INTS4: variants seen among roughly 807,000 people sequenced by gnomAD.
The protein encoded by INTS4 is integrator complex subunit 4.
A neutral mutation model predicts 119.5 loss-of-function variants in INTS4; 70 were observed. The observed-to-expected ratio is 0.59, with a 90% CI of 0.48 to 0.71. The LOEUF (loss-of-function observed/expected upper bound fraction) is 0.71, where lower values mean the gene tolerates loss of function less well. Ranked by LOEUF, INTS4 falls within the 30% of genes least tolerant of loss-of-function variation. The pLI is 0.00. For missense variants in INTS4, 867 were observed against 1,173.2 expected (o/e 0.74, Z 3.81); for synonymous variants, 316 against 419.6 (o/e 0.75, Z 3.02).
At chr11:77,877,237 G>T (rs1320252284), downstream of INTS4, among the ~76,000 whole-genome samples, 1 of 143,648 alleles carries the variant, frequency 7.0e-6, no homozygotes, top group Non-Finnish European at 1.5e-5. Flanking sequence ...ATAAAATGAA[G>T]ATAACAGTAC....
At chr11:77,877,991 C>G (rs1009980773), downstream of INTS4, among the ~76,000 whole-genome samples, 1 of 152,132 alleles carries the variant, frequency 6.6e-6, no homozygotes, top group African/African-American at 2.4e-5. Flanking sequence ...ATCTTGATTT[C>G]TTTTGTAAAA....
intron 4 of INTS4, among the ~76,000 whole-genome samples, chr11:77,970,831 A>G (rs538820023): frequency 1.6e-4 from 24 of 152,032 alleles, no homozygotes; most frequent in Non-Finnish European, 2.9e-4. Flanking sequence ...TTGTTTTCAG[A>G]CAAGAGTCTT....
At chr11:77,948,193 A>G (rs1478762138) in intron 8 of INTS4, among the ~76,000 whole-genome samples, 3 of 152,242 alleles carry the variant, frequency 2.0e-5, no homozygotes, top group African/African-American at 7.2e-5. Context: ...GTTACAGCAG[A>G]TACACAAACA....
intron 8 of INTS4, among the ~76,000 whole-genome samples, chr11:77,955,443 T>C (rs1358119334): frequency 6.6e-6 from 1 of 152,062 alleles, no homozygotes; most frequent in East Asian, 1.9e-4. Context: ...AATGTGCTCA[T>C]TTAAAAAAAG....
chr11:77,939,194 G>A (rs562228463), intron 9 of INTS4, among the ~76,000 whole-genome samples: 6 of 152,166 alleles, frequency 3.9e-5, no homozygotes, highest in South Asian at 2.1e-4. Flanking sequence ...AACAATTATC[G>A]GGCAGGGAGC....
chr11:77,938,570 T>C (rs1170208837), intron 10 of INTS4, 81 bp downstream of exon 10: 10 of 1,524,668 alleles, frequency 6.6e-6, no homozygotes, highest in Non-Finnish European at 8.8e-6. Context: ...AATGAAACGA[T>C]ACATGTGTAT....
chr11:77,922,179 G>A (rs945528239), intron 13 of INTS4, among the ~76,000 whole-genome samples, 177 bp downstream of exon 13: 19 of 147,042 alleles, frequency 1.3e-4, no homozygotes, highest in African/African-American at 4.5e-4. Context: ...AGTGAGCCGA[G>A]ATCAGGCCAC....
intron 1 of INTS4, among the ~76,000 whole-genome samples, chr11:77,993,711 T>C (rs1254171561): frequency 6.6e-6 from 1 of 152,204 alleles, no homozygotes; most frequent in Non-Finnish European, 1.5e-5. Flanking sequence ...AGTATCCTGC[T>C]GGATGCTCTA....
intron 22 of INTS4, among the ~76,000 whole-genome samples, chr11:77,880,732 AG>A (rs1237344300): frequency 6.6e-6 from 1 of 152,192 alleles, no homozygotes; most frequent in African/African-American, 2.4e-5. Flanking sequence ...GCAAGGCAGG[AG>A]AATCACTTGA....
chr11:77,931,106 A>G (rs1296283686), intron 10 of INTS4, among the ~76,000 whole-genome samples: 8 of 152,242 alleles, frequency 5.3e-5, no homozygotes, highest in Admixed American at 5.2e-4. Context: ...AAGAAAATGC[A>G]TATGAAGAAA....
At chr11:77,982,554 T>C (rs1856289013) in intron 2 of INTS4, among the ~76,000 whole-genome samples, 1 of 152,032 alleles carries the variant, frequency 6.6e-6, no homozygotes, top group Non-Finnish European at 1.5e-5. Context: ...GACAAAGAAA[T>C]AGTCTGGCTG....
chr11:77,943,298 T>A (rs1250376930), intron 8 of INTS4, among the ~76,000 whole-genome samples: 1 of 152,166 alleles, frequency 6.6e-6, no homozygotes, highest in Non-Finnish European at 1.5e-5. Flanking sequence ...TAGGTGAAGC[T>A]TTCCATTTTA....
chr11:77,910,328 C>T (rs1430223833), intron 15 of INTS4, among the ~76,000 whole-genome samples: 3 of 150,320 alleles, frequency 2.0e-5, no homozygotes, highest in Non-Finnish European at 4.4e-5. Context: ...TCGTTCTCAG[C>T]AAACTATCAC....
At chr11:77,924,626 T>A in intron 12 of INTS4, 124 bp downstream of exon 12, 3 of 779,614 alleles carry the variant, frequency 3.8e-6, no homozygotes. Flanking sequence ...TGAATCAGGT[T>A]TCTAAAGTAA....
intron 10 of INTS4, among the ~76,000 whole-genome samples, chr11:77,932,240 C>CAAAA (rs530169988): frequency 6.6e-6 from 1 of 151,776 alleles, no homozygotes; most frequent in Non-Finnish European, 1.5e-5. Flanking sequence ...AACAAATTTC[C>CAAAA]AAAAAACAAA....
At chr11:77,934,553 A>G (rs1244256998) in intron 10 of INTS4, among the ~76,000 whole-genome samples, 4 of 152,198 alleles carry the variant, frequency 2.6e-5, no homozygotes, top group Non-Finnish European at 5.9e-5. Flanking sequence ...CAAAATTTCC[A>G]TGACTGTTGT....
intron 13 of INTS4, among the ~76,000 whole-genome samples, chr11:77,921,859 C>T (rs1591059535): frequency 6.6e-6 from 1 of 152,052 alleles, no homozygotes; most frequent in South Asian, 2.1e-4. Flanking sequence ...GGTAAAACCC[C>T]GTCTCTACTA....
intron 17 of INTS4, among the ~76,000 whole-genome samples, chr11:77,903,211 C>G (rs1231079900): frequency 6.6e-6 from 1 of 152,228 alleles, no homozygotes; most frequent in Non-Finnish European, 1.5e-5. Context: ...CCTAGTTATG[C>G]TCCTTCTCAT....
intron 15 of INTS4, among the ~76,000 whole-genome samples, chr11:77,908,320 C>G (rs867467906): frequency 3.2e-4 from 49 of 150,912 alleles, no homozygotes; most frequent in African/African-American, 1.2e-3. Context: ...TGATGGTTTG[C>G]TGCATCCATC....
Sources: gnomAD v4.1 joint callset for allele counts (sites outside exome capture counted in the v4.1 genomes callset) on GRCh38, gnomAD v4.1.1 for gene constraint, MANE v1.5 for transcripts, NCBI Gene and HGNC (gene_info 2026-07-23, HGNC 2026-07-21) for gene names.